The following SYNE1 variants were observed in gnomAD, a reference collection of about 807,000 sequenced individuals.
The protein encoded by SYNE1 is spectrin repeat containing nuclear envelope protein 1.
SYNE1 carries 616 observed loss-of-function variants against 1,111.0 expected under a neutral mutation model. The ratio of observed to expected loss-of-function variants is 0.55; its 90% CI spans 0.52 to 0.59. The LOEUF (loss-of-function observed/expected upper bound fraction) is 0.59, where lower values mean the gene tolerates loss of function less well. Ranked by LOEUF, SYNE1 falls within the 20% of genes least tolerant of loss-of-function variation. SYNE1 has a pLI of 0.00. For synonymous variants in SYNE1, 3,855 were observed against 3,825.8 expected (o/e 1.01, Z -0.28); for missense variants, 10,006 against 10,417.0 (o/e 0.96, Z 1.72).
At chr6:152,305,425 A>G (rs2095341289) in intron 91 of SYNE1, among the ~76,000 whole-genome samples, 1 of 151,954 alleles carries the variant, frequency 6.6e-6, no homozygotes, top group Non-Finnish European at 1.5e-5. Context: ...GTCACCACCC[A>G]GGCTAATTTT....
At chr6:152,228,916 C>CTT (rs34234904) in intron 115 of SYNE1, among the ~76,000 whole-genome samples, 1,590 of 151,704 alleles carry the variant, frequency 0.01, 15 homozygotes, top group Non-Finnish European at 0.017. Context: ...TGATGTGAGG[C>CTT]TTTTTTTTAT....
At chr6:152,455,355 T>G (rs2098688552) in intron 24 of SYNE1, 71 bp downstream of exon 24, 1 of 1,532,212 alleles carries the variant, frequency 6.5e-7, no homozygotes, top group Non-Finnish European at 8.8e-7. Flanking sequence ...TCAGCATGCC[T>G]TTTTTAAGCT....
At chr6:152,194,428 G>A (rs1286598873) in intron 127 of SYNE1, among the ~76,000 whole-genome samples, 6 of 151,950 alleles carry the variant, frequency 3.9e-5, no homozygotes, top group Non-Finnish European at 7.4e-5. Flanking sequence ...CTGCTTTTAG[G>A]ATCCTTTCTT....
At chr6:152,207,457 A>G (rs193294589) in intron 125 of SYNE1, among the ~76,000 whole-genome samples, 43 of 152,290 alleles carry the variant, frequency 2.8e-4, no homozygotes, top group African/African-American at 1.0e-3. Flanking sequence ...GAAACGAACG[A>G]AAGAACAGTG....
chr6:152,577,780 G>GTT (rs3076666), intron 3 of SYNE1, among the ~76,000 whole-genome samples: 6 of 147,048 alleles, frequency 4.1e-5, no homozygotes, highest in Admixed American at 1.4e-4. Context: ...TTTCTGTTTT[G>GTT]TTTTTTTTTT....
chr6:152,393,301 C>T (rs2097676331), intron 51 of SYNE1, among the ~76,000 whole-genome samples: 1 of 151,846 alleles, frequency 6.6e-6, no homozygotes, highest in Non-Finnish European at 1.5e-5. Flanking sequence ...TAATGAGCAG[C>T]CTGTAGAGAC....
At position 152,350,673 on chromosome 6, in the gene SYNE1, T is replaced by C; in HGVS notation, c.11678A>G (p.Lys3893Arg). 6.2e-7 allele frequency: 1 copy of C among 1,614,162 alleles called. No homozygotes were observed. Among genetic ancestry groups the C allele is most frequent in the Non-Finnish European group, 8.5e-7 (1 of 1,180,014 alleles). ...ACTTTGAAGTTGATCTATTTTGTCC[T>C]TTAAAGTGACGTCCTGCACCAGTTC... ...LLELVQDVTL[K>R]DKIDQLQSDY... Residue 3893 changes from lysine (K) to arginine (R), a missense_variant, in exon 71 of 146, where the codon AAG becomes AGG. Coordinates refer to ENST00000367255, the MANE Select transcript of SYNE1 (RefSeq NM_182961.4).
At chr6:152,636,122 C>CG (rs1044354310) in intron 2 of SYNE1, among the ~76,000 whole-genome samples, 3 of 152,196 alleles carry the variant, frequency 2.0e-5, no homozygotes, top group African/African-American at 7.2e-5. Flanking sequence ...CAGGCTCTGC[C>CG]GGGAAGCAAC....
intron 145 of SYNE1, chr6:152,127,812 G>A (rs1585517001): frequency 6.6e-6 from 1 of 152,138 alleles, no homozygotes; most frequent in South Asian, 2.1e-4. Flanking sequence ...TTATAGTGAG[G>A]CCCTAGTGTA....
At chr6:152,308,183 G>A (rs1270181944) in intron 91 of SYNE1, among the ~76,000 whole-genome samples, 3 of 152,056 alleles carry the variant, frequency 2.0e-5, no homozygotes, top group Non-Finnish European at 4.4e-5. Flanking sequence ...TTAAAAACAG[G>A]GTATGGACTG....
intron 53 of SYNE1, among the ~76,000 whole-genome samples, chr6:152,389,862 C>A (rs148558257): frequency 6.6e-6 from 1 of 152,124 alleles, no homozygotes; most frequent in Non-Finnish European, 1.5e-5. Context: ...TGCAAATGGG[C>A]GTAGTATGAC....
intron 125 of SYNE1, among the ~76,000 whole-genome samples, chr6:152,207,231 G>A (rs2076684566): frequency 6.6e-6 from 1 of 152,148 alleles, no homozygotes; most frequent in African/African-American, 2.4e-5. Context: ...GGGAAAGGGA[G>A]AAAAGTTGGT....
intron 14 of SYNE1, 86 bp downstream of exon 14, chr6:152,482,999 C>T (rs2078842117): frequency 1.4e-6 from 2 of 1,464,142 alleles, no homozygotes; most frequent in Admixed American, 1.7e-5. Context: ...TTGGGGCGTC[C>T]CCGCCAGAGC....
At position 152,199,686 on chromosome 6, in the gene SYNE1, T is replaced by C. The variant is rs148688986; in HGVS notation, c.23145+2138A>G. ...ATGTGCCGTTTCCCCTCCCTTTATG[T>C]GTCTTTACACGGTAGAAAGGTTTCC... is the stretch of plus-strand genomic sequence containing the variant. On this transcript the variant is annotated intron_variant, in intron 127 of 145. Coordinates refer to ENST00000367255, the MANE Select transcript of SYNE1 (RefSeq NM_182961.4). Among the ~76,000 whole-genome samples the C allele has an allele frequency of 4.0e-3, 606 of 152,320 alleles. 5 individuals carry two copies. Among genetic ancestry groups the C allele is most frequent in the African/African-American group, 0.013 (558 of 41,568 alleles).
intron 53 of SYNE1, among the ~76,000 whole-genome samples, chr6:152,388,114 C>T (rs1414010061): frequency 6.6e-6 from 1 of 152,174 alleles, no homozygotes; most frequent in African/African-American, 2.4e-5. Context: ...AAATTAAAAT[C>T]CTGTGGTAAA....
chr6:152,322,324 T>C (rs535395810), intron 82 of SYNE1, among the ~76,000 whole-genome samples: 1 of 152,364 alleles, frequency 6.6e-6, no homozygotes, highest in South Asian at 2.1e-4. Flanking sequence ...TTCAAGTCTT[T>C]ATTTGAATTA....
intron 139 of SYNE1, 111 bp from the exon 140 acceptor site, chr6:152,140,272 T>A: frequency 9.5e-7 from 1 of 1,051,304 alleles, no homozygotes; most frequent in Non-Finnish European, 1.5e-6. Context: ...GAAAGAAAAG[T>A]AATTCCACTG....
intron 6 of SYNE1, among the ~76,000 whole-genome samples, chr6:152,518,464 G>A (rs932134698): frequency 3.0e-4 from 45 of 151,888 alleles, no homozygotes; most frequent in Non-Finnish European, 8.8e-5. Flanking sequence ...TCCTGCTCTG[G>A]CCATGTGACG....
chr6:152,333,781 C>T lies in SYNE1; in HGVS notation c.12794+227G>A, dbSNP rs1255556398. Among the ~76,000 whole-genome samples the T allele has an allele frequency of 5.3e-5, 8 of 152,096 alleles. No homozygotes were observed. The South Asian group carries it at 1.5e-3, about 28-fold the overall frequency. ...CGAAGTAGCTGGGATTACAAGCATG[C>T]ACCACCACGCCCGGCTAATTTTTGT... On this transcript the variant is annotated intron_variant, in intron 77 of 145. Coordinates refer to ENST00000367255, the MANE Select transcript of SYNE1 (RefSeq NM_182961.4).
Sources: gnomAD v4.1 joint callset for allele counts (sites outside exome capture counted in the v4.1 genomes callset) on GRCh38, gnomAD v4.1.1 for gene constraint, MANE v1.5 for transcripts, NCBI Gene and HGNC (gene_info 2026-07-23, HGNC 2026-07-21) for gene names.